Variants in FBXW4 observed in about 807,000 individuals in gnomAD.
FBXW4 encodes F-box/WD repeat-containing protein 4.
Under a neutral mutation model 61.8 loss-of-function variants are expected in FBXW4, and 40 were observed. The ratio of observed to expected loss-of-function variants is 0.65; its 90% CI spans 0.50 to 0.84. FBXW4 has a LOEUF of 0.84. Among genes scored for constraint, FBXW4 ranks in the 40% least tolerant of loss-of-function variants. The pLI is 0.00. For missense variants in FBXW4, 672 were observed against 753.8 expected, an observed-to-expected ratio of 0.89 and a Z score of 1.27; for synonymous variants, 311 against 313.8, an observed-to-expected ratio of 0.99 and a Z score of 0.10.
Position 101,611,231 on chromosome 10 carries a change from G to A in FBXW4, c.*60C>T, listed in dbSNP as rs1411368603. The A allele has an allele frequency of 6.3e-7, 1 of 1,585,760 alleles. No homozygotes were observed. Among genetic ancestry groups the A allele is most frequent in the Non-Finnish European group, 8.6e-7 (1 of 1,166,866 alleles). ...GAGGAGCTATCACTGCACCCTCCAG[G>A]CAAGAGAAGTCCCTGAGTAGCTGGT... On this transcript the variant is annotated 3_prime_UTR_variant, in exon 9 of 9. Coordinates refer to ENST00000331272, the MANE Select transcript of FBXW4 (RefSeq NM_022039.4). The surrounding 1 kb of genome is among the most constrained non-coding windows in gnomAD (Gnocchi z 4.9).
At chr10:101,651,076 C>A (rs182668753) in intron 5 of FBXW4, among the ~76,000 whole-genome samples, 1 of 152,162 alleles carries the variant, frequency 6.6e-6, no homozygotes, top group South Asian at 2.1e-4. Context: ...TTAATGCATG[C>A]GCCTCTGCAC....
chr10:101,668,867 A>G (rs527874216), intron 4 of FBXW4, among the ~76,000 whole-genome samples: 6 of 152,208 alleles, frequency 3.9e-5, no homozygotes, highest in Admixed American at 2.0e-4. Flanking sequence ...TCAGACGTAC[A>G]GGACTATCCC....
chr10:101,694,514 G>C lies in FBXW4; in HGVS notation c.592C>G (p.Leu198Val). 1 of 1,516,118 alleles carries C rather than the reference G, an allele frequency of 6.6e-7. No individual in the cohort carries two copies. The highest frequency in any genetic ancestry group is 8.8e-7 in the Non-Finnish European group (1 of 1,141,682). The allele number at this position is 1,516,118 out of a possible 1,614,324, so 93.9% of individuals were successfully genotyped here. Residue 198 changes from leucine (L) to valine (V), a missense_variant, in exon 1 of 9, where the codon CTG (leucine) becomes GTG (valine). Around this residue, in one of 5 missense-constraint regions of FBXW4, gnomAD observed 311 missense variants for 301.1 expected, o/e 1.03. Transcript: ENST00000331272. This position sits in a 1 kb window ranked among gnomAD's most constrained non-coding sequence, Gnocchi z 6.0. ...AGGCGGCCGAGGGCCCGCATGTCCA[G>C]GTAGGAGCAGATGAGCAGCAGCAGC... ...EELLLLICSY[L>V]DMRALGRLAQ...
chr10:101,620,165 C>T (rs1019971989), intron 6 of FBXW4, among the ~76,000 whole-genome samples: 23 of 152,342 alleles, frequency 1.5e-4, no homozygotes, highest in African/African-American at 5.3e-4. Flanking sequence ...CATCCAGCAC[C>T]GCTCACCGCC....
chr10:101,679,139 C>A (rs2064446865), intron 1 of FBXW4, among the ~76,000 whole-genome samples: 1 of 152,062 alleles, frequency 6.6e-6, no homozygotes, highest in Non-Finnish European at 1.5e-5. Context: ...TGGCCTCAAG[C>A]AATCCTCCTG....
chr10:101,630,419 G>C (rs1207139117), intron 5 of FBXW4, among the ~76,000 whole-genome samples: 2 of 152,110 alleles, frequency 1.3e-5, no homozygotes, highest in Admixed American at 6.5e-5. Flanking sequence ...GATTTCCCTT[G>C]GCCCCCTCCT....
At chr10:101,640,444 C>CA (rs1259717094) in intron 5 of FBXW4, among the ~76,000 whole-genome samples, 1 of 149,890 alleles carries the variant, frequency 6.7e-6, no homozygotes, top group Middle Eastern at 3.2e-3. Context: ...GGTTTACTCT[C>CA]AAACCCTTCC....
chr10:101,646,548 C>T (rs944064175), intron 5 of FBXW4, among the ~76,000 whole-genome samples: 4 of 152,332 alleles, frequency 2.6e-5, no homozygotes, highest in East Asian at 1.9e-4. Context: ...CTGGTCAAGG[C>T]GCCTTTGCTT....
intron 5 of FBXW4, 71 bp from the exon 6 acceptor site, chr10:101,624,881 G>A: frequency 2.0e-6 from 3 of 1,516,006 alleles, no homozygotes. Flanking sequence ...CTAACAATGG[G>A]AAATGCCGTG....
intron 1 of FBXW4, among the ~76,000 whole-genome samples, chr10:101,681,337 G>A (rs1034364001): frequency 4.0e-5 from 6 of 150,520 alleles, no homozygotes; most frequent in African/African-American, 7.4e-5. Flanking sequence ...GCAGTGAGCC[G>A]AGATTACACC....
In FBXW4 at chr10:101,694,847, C is replaced by T; in HGVS notation, c.259G>A (p.Gly87Arg). ...GCCCCTTCCTCCACGCTTCTGCCTC[C>T]CTCTGCTTCCTCCCTTGGGCATGCC... ...ARACPREEAE[G>R]GRSVEEGARG... The change falls in exon 1 of 9, where the codon GGA (glycine) becomes AGA (arginine). Residue 87 changes from glycine (G) to arginine (R), a missense_variant. Physicochemically the swap from Gly to Arg is moderately radical, Grantham distance 125. Coordinates refer to ENST00000331272, the MANE Select transcript of FBXW4 (RefSeq NM_022039.4). This position sits in a 1 kb window ranked among gnomAD's most constrained non-coding sequence, Gnocchi z 6.0. The T allele has an allele frequency of 7.8e-7, 1 of 1,284,450 alleles. No homozygotes were observed. 79.6% of individuals were successfully genotyped at this position (1,284,450 alleles called of 1,614,324 possible). A position where few individuals can be genotyped will look rare whatever the true frequency, so the allele number is the denominator to read the frequency against.
chr10:101,616,663 G>A (rs1456805243), intron 6 of FBXW4, among the ~76,000 whole-genome samples: 1 of 152,258 alleles, frequency 6.6e-6, no homozygotes, highest in Non-Finnish European at 1.5e-5. Context: ...CAGCACTAGG[G>A]CAACCAGGCT....
chr10:101,665,478 G>A (rs547228049), intron 5 of FBXW4, among the ~76,000 whole-genome samples: 4 of 152,178 alleles, frequency 2.6e-5, no homozygotes, highest in Non-Finnish European at 5.9e-5. Flanking sequence ...GGAAGACCCT[G>A]AAGATGAATG....
At chr10:101,648,150 G>T (rs1437777566) in intron 5 of FBXW4, among the ~76,000 whole-genome samples, 1 of 152,088 alleles carries the variant, frequency 6.6e-6, no homozygotes, top group Non-Finnish European at 1.5e-5. Flanking sequence ...TTTTTTGTTT[G>T]TTTGTTTTTT....
chr10:101,651,408 G>A (rs1281073986), intron 5 of FBXW4, among the ~76,000 whole-genome samples: 1 of 152,140 alleles, frequency 6.6e-6, no homozygotes, highest in Non-Finnish European at 1.5e-5. Flanking sequence ...CAATTTGGGG[G>A]TGGGAAAAGA....
At chr10:101,619,461 A>G (rs2134808459) in intron 6 of FBXW4, among the ~76,000 whole-genome samples, 1 of 152,168 alleles carries the variant, frequency 6.6e-6, no homozygotes, top group South Asian at 2.1e-4. Context: ...GATCGAGACC[A>G]TCCTGGCTAA....
chr10:101,660,286 C>T, intron 5 of FBXW4: 2 of 961,422 alleles, frequency 2.1e-6, no homozygotes, highest in Admixed American at 9.6e-5. Flanking sequence ...GATTAGGATA[C>T]AGCAGTGGCT....
chr10:101,666,300 G>A (rs752661901), intron 5 of FBXW4, among the ~76,000 whole-genome samples: 68 of 152,168 alleles, frequency 4.5e-4, no homozygotes, highest in Non-Finnish European at 8.4e-4. Flanking sequence ...TTCTCTCATC[G>A]TCAATATGCT....
intron 1 of FBXW4, among the ~76,000 whole-genome samples, chr10:101,683,076 C>T (rs1270978668): frequency 6.6e-6 from 1 of 152,138 alleles, no homozygotes; most frequent in African/African-American, 2.4e-5. Flanking sequence ...CCTGTGGGAA[C>T]GTGTCACTGC....
Sources: allele counts gnomAD v4.1 joint callset (sites outside exome capture counted in the v4.1 genomes callset), GRCh38; gene constraint gnomAD v4.1.1; regional missense constraint gnomAD v4.1.1; non-coding constraint Gnocchi (gnomAD v3.1); transcripts MANE v1.5; gene names NCBI Gene and HGNC (gene_info 2026-07-23, HGNC 2026-07-21).